Variants in MTUS2 observed in about 807,000 individuals in gnomAD.
MTUS2 encodes the protein microtubule-associated tumor suppressor candidate 2.
A neutral mutation model predicts 114.1 loss-of-function variants in MTUS2; 40 were observed. That is an observed-to-expected ratio of 0.35 (90% CI 0.27 to 0.46). The LOEUF (loss-of-function observed/expected upper bound fraction) is 0.46. Among genes scored for constraint, MTUS2 ranks in the 20% least tolerant of loss-of-function variants. The pLI is 1.00. For missense variants in MTUS2, 1,679 were observed against 1,705.4 expected, an observed-to-expected ratio of 0.98 and a Z score of 0.27; for synonymous variants, 688 against 672.0, an observed-to-expected ratio of 1.02 and a Z score of -0.37.
At position 29,393,528 on chromosome 13, in the gene MTUS2, T is replaced by G. The variant is rs777547859; in HGVS notation, c.3117+34055T>G. 9.4e-4 allele frequency among the ~76,000 whole-genome samples: 143 copies of G among 152,310 alleles called. 1 individual carries two copies. The highest frequency in any genetic ancestry group is 7.7e-4 in the East Asian group (4 of 5,186). On this transcript the variant is annotated intron_variant, in intron 8 of 15. Transcript: ENST00000612955. ...CCCAGCAAGATGCTGAGTCCTTCCC[T>G]TCCCCTGCAGTCAGGCAGCCACCAA...
chr13:29,155,935 G>T (rs986161376), intron 5 of MTUS2, among the ~76,000 whole-genome samples: 1 of 152,024 alleles, frequency 6.6e-6, no homozygotes, highest in African/African-American at 2.4e-5. Flanking sequence ...CACAGATATT[G>T]ACATAGGAGG....
intron 1 of MTUS2, among the ~76,000 whole-genome samples, chr13:28,822,726 A>G (rs533870767): frequency 2.0e-5 from 3 of 151,906 alleles, no homozygotes; most frequent in African/African-American, 7.2e-5. Flanking sequence ...TACTCTTTCT[A>G]TATTCCCACC....
chr13:29,353,027 T>G (rs1257181101), intron 7 of MTUS2, among the ~76,000 whole-genome samples: 1 of 152,262 alleles, frequency 6.6e-6, no homozygotes, highest in African/African-American at 2.4e-5. Flanking sequence ...CTAGTAATTC[T>G]GTTATCTGTG....
rs545960670 is a variant in MTUS2 at position 29,444,372 on chromosome 13, A to G, written c.3184+4323A>G. On this transcript the variant is annotated intron_variant, in intron 9 of 15. Transcript: ENST00000612955. ...TGAACCCGGAAGGCGGAGAGGTGACAGTGAGCCGAGATTGCGCCATTGTAC... is the reference window on the plus strand; with the variant it reads ...TGAACCCGGAAGGCGGAGAGGTGACGGTGAGCCGAGATTGCGCCATTGTAC... Among the ~76,000 whole-genome samples, 19 of 152,342 alleles carry G rather than the reference A, an allele frequency of 1.2e-4. No individual in the cohort carries two copies. In the South Asian group the frequency reaches 3.9e-3, roughly 32 times the overall value.
At chr13:29,494,844 G>T (rs1362523678) in intron 12 of MTUS2, among the ~76,000 whole-genome samples, 1 of 151,990 alleles carries the variant, frequency 6.6e-6, no homozygotes, top group Non-Finnish European at 1.5e-5. Flanking sequence ...TTCAAGACCA[G>T]CCTGGCCAAC....
At chr13:29,465,378 G>C (rs1879812012) in intron 9 of MTUS2, among the ~76,000 whole-genome samples, 1 of 152,276 alleles carries the variant, frequency 6.6e-6, no homozygotes, top group South Asian at 2.1e-4. Context: ...CAGTGAACAG[G>C]CCTCAAGCTC....
intron 5 of MTUS2, among the ~76,000 whole-genome samples, chr13:29,201,110 A>G (rs9579306): frequency 0.84 from 126,981 of 152,022 alleles, 53,240 homozygotes; most frequent in African/African-American, 0.91. Flanking sequence ...ACAGTGGGGT[A>G]TCAAAGTCTC....
At chr13:29,064,498 G>A (rs1888573122) in intron 4 of MTUS2, among the ~76,000 whole-genome samples, 1 of 151,084 alleles carries the variant, frequency 6.6e-6, no homozygotes. Flanking sequence ...GCGGCACTGT[G>A]GATAAGTAAT....
intron 2 of MTUS2, among the ~76,000 whole-genome samples, chr13:28,860,114 G>T (rs1341818966): frequency 1.3e-5 from 2 of 152,220 alleles, no homozygotes; most frequent in South Asian, 2.1e-4. Context: ...TCTGCCATCT[G>T]CAGGGAGAGC....
intron 8 of MTUS2, among the ~76,000 whole-genome samples, chr13:29,407,975 C>A (rs912117216): frequency 9.2e-5 from 14 of 152,060 alleles, no homozygotes; most frequent in African/African-American, 3.1e-4. Flanking sequence ...GGATTATTTG[C>A]ATTTCTTCTG....
At chr13:29,322,650 G>T (rs989261859) in intron 6 of MTUS2, among the ~76,000 whole-genome samples, 2 of 152,172 alleles carry the variant, frequency 1.3e-5, no homozygotes, top group African/African-American at 2.4e-5. Context: ...GGTGATGAGA[G>T]GGCCACAGTA....
intron 1 of MTUS2, among the ~76,000 whole-genome samples, chr13:28,829,926 A>AC (rs1290924611): frequency 6.6e-6 from 1 of 152,230 alleles, no homozygotes; most frequent in African/African-American, 2.4e-5. Flanking sequence ...TCTCAGACTA[A>AC]CAATGAGGCT....
At chr13:28,903,435 C>A (rs1459908732) in intron 2 of MTUS2, among the ~76,000 whole-genome samples, 195 of 128,986 alleles carry the variant, frequency 1.5e-3, no homozygotes, top group Middle Eastern at 8.3e-3. Flanking sequence ...CACAACAGGC[C>A]CTGGTGTGTG....
intron 2 of MTUS2, among the ~76,000 whole-genome samples, chr13:28,931,867 C>T (rs1881636673): frequency 1.3e-5 from 2 of 152,106 alleles, no homozygotes; most frequent in African/African-American, 4.8e-5. Context: ...TGTGATGTTC[C>T]CCTTCCTGTG....
At chr13:29,363,690 A>G (rs1051908839) in intron 8 of MTUS2, among the ~76,000 whole-genome samples, 5 of 152,144 alleles carry the variant, frequency 3.3e-5, no homozygotes, top group Non-Finnish European at 7.3e-5. Context: ...TATTTTTTAT[A>G]TATTTTGTAT....
chr13:29,121,326 C>T (rs1462096223), intron 5 of MTUS2, among the ~76,000 whole-genome samples: 1 of 152,022 alleles, frequency 6.6e-6, no homozygotes, highest in Non-Finnish European at 1.5e-5. Context: ...AGTAACAAGG[C>T]AGAAACAAAC....
At chr13:29,207,362 T>C (rs539095193) in intron 5 of MTUS2, among the ~76,000 whole-genome samples, 2 of 152,314 alleles carry the variant, frequency 1.3e-5, no homozygotes, top group African/African-American at 4.8e-5. Context: ...CATTATATCA[T>C]TGGTGAACAG....
chr13:29,326,180 C>A (rs1382118871), intron 7 of MTUS2, among the ~76,000 whole-genome samples: 1 of 152,150 alleles, frequency 6.6e-6, no homozygotes, highest in African/African-American at 2.4e-5. Flanking sequence ...AGCTCCAGCT[C>A]TGAGGGAAGC....
At chr13:29,356,987 C>A (rs930272034) in intron 7 of MTUS2, among the ~76,000 whole-genome samples, 1 of 152,116 alleles carries the variant, frequency 6.6e-6, no homozygotes, top group Non-Finnish European at 1.5e-5. Context: ...GCTCAGAATG[C>A]GGGTTGTTCG....
Sources: allele counts gnomAD v4.1 joint callset (sites outside exome capture counted in the v4.1 genomes callset), GRCh38; gene constraint gnomAD v4.1.1; transcripts MANE v1.5; gene names NCBI Gene and HGNC (gene_info 2026-07-23, HGNC 2026-07-21).